The following CLTB variants were observed in gnomAD, a reference collection of about 807,000 sequenced individuals.
The protein encoded by CLTB is clathrin light chain B.
A neutral mutation model predicts 30.5 loss-of-function variants in CLTB; 10 were observed. That is an observed-to-expected ratio of 0.33 (90% confidence interval 0.20 to 0.56). The LOEUF is 0.56. CLTB is among the 20% of genes least tolerant of loss of function. CLTB has a pLI of 0.91. For missense variants in CLTB, 261 were observed against 308.3 expected (o/e 0.85, Z 1.15); for synonymous variants, 102 against 120.3 (o/e 0.85, Z 1.00).
chr5:176,404,628 C>T (rs901762534), intron 2 of CLTB, among the ~76,000 whole-genome samples: 4 of 152,236 alleles, frequency 2.6e-5, no homozygotes, highest in African/African-American at 9.6e-5. Context: ...TCCCAAGGTG[C>T]CAAGCCTGGC....
chr5:176,407,159 C>T (rs1246525438), intron 2 of CLTB, among the ~76,000 whole-genome samples: 3 of 152,118 alleles, frequency 2.0e-5, no homozygotes, highest in South Asian at 4.1e-4. Flanking sequence ...GCTGACAGGT[C>T]GGGAGGGAGA....
At chr5:176,412,652 T>A (rs1757505394) in intron 1 of CLTB, among the ~76,000 whole-genome samples, 1 of 152,182 alleles carries the variant, frequency 6.6e-6, no homozygotes, top group African/African-American at 2.4e-5. Flanking sequence ...GGAAGGGTAC[T>A]TAATCCCATG....
intron 2 of CLTB, among the ~76,000 whole-genome samples, chr5:176,409,334 TC>T (rs1166656045): frequency 6.6e-6 from 1 of 151,174 alleles, no homozygotes; most frequent in Non-Finnish European, 1.5e-5. Context: ...TGTATATTAT[TC>T]TGCAAGCTGC....
At chr5:176,407,260 G>C (rs981256801) in intron 2 of CLTB, among the ~76,000 whole-genome samples, 5 of 152,170 alleles carry the variant, frequency 3.3e-5, no homozygotes, top group Non-Finnish European at 5.9e-5. Flanking sequence ...TCTGAGCTTC[G>C]TGATGCTAAT....
intron 1 of CLTB, among the ~76,000 whole-genome samples, chr5:176,413,314 T>TA (rs1445342186): frequency 6.6e-6 from 1 of 152,192 alleles, no homozygotes; most frequent in African/African-American, 2.4e-5. Flanking sequence ...CCTGTGAGCT[T>TA]ACGAGGCCCA....
intron 2 of CLTB, among the ~76,000 whole-genome samples, chr5:176,400,105 C>T (rs1756741250): frequency 6.7e-6 from 1 of 150,034 alleles, no homozygotes; most frequent in Non-Finnish European, 1.5e-5. Context: ...GCACAAGAAT[C>T]ACTTGAATCC....
chr5:176,416,478 C>A lies in CLTB; in HGVS notation c.-115G>T. 8.8e-6 allele frequency: 8 copies of A among 914,096 alleles called. No individual in the cohort carries two copies. Among genetic ancestry groups the A allele is most frequent in the Non-Finnish European group, 1.1e-5 (8 of 697,164 alleles). The allele number at this position is 914,096 out of a possible 1,614,324, so 56.6% of individuals were successfully genotyped here. A position where few individuals can be genotyped will look rare whatever the true frequency, so the allele number is the denominator to read the frequency against. ...CGAGCCGCGGGGGAGCCGGCGTCGG[C>A]GGGGACGGGCTTGGCGCGGACCGCA... is the stretch of plus-strand genomic sequence containing the variant. On this transcript the variant is annotated 5_prime_UTR_variant, in exon 1 of 6. Coordinates refer to ENST00000310418, the MANE Select transcript of CLTB (RefSeq NM_007097.5).
chr5:176,398,153 A>C, intron 2 of CLTB, 106 bp from the exon 3 acceptor site: 1 of 942,594 alleles, frequency 1.1e-6, no homozygotes, highest in Non-Finnish European at 1.7e-6. Flanking sequence ...AGCCTCAAAC[A>C]ACCTCATACC....
chr5:176,407,037 T>C (rs1163317683), intron 2 of CLTB, among the ~76,000 whole-genome samples: 1 of 152,190 alleles, frequency 6.6e-6, no homozygotes, highest in Non-Finnish European at 1.5e-5. Context: ...TGTGATATGA[T>C]TTACAAATAA....
intron 2 of CLTB, among the ~76,000 whole-genome samples, chr5:176,398,371 A>T (rs573736831): frequency 6.6e-6 from 1 of 152,282 alleles, no homozygotes; most frequent in Middle Eastern, 3.4e-3. Flanking sequence ...TGGGCTAAAT[A>T]ACAGTATGCA....
rs1382659764 is a variant in CLTB at position 176,416,512 on chromosome 5, C to G, written c.-149G>C. Reference sequence around the variant, plus strand: ...GCTTGGCGCGGACCGCACTTCCTCTCCGCCACCGGGCCCGGCTGGCTGTCA... The same window carrying G: ...GCTTGGCGCGGACCGCACTTCCTCTGCGCCACCGGGCCCGGCTGGCTGTCA... On this transcript the variant is annotated 5_prime_UTR_variant, in exon 1 of 6. Transcript: ENST00000310418. The G allele has an allele frequency of 1.8e-6, 1 of 542,896 alleles. No individual in the cohort carries two copies. Among genetic ancestry groups the G allele is most frequent in the African/African-American group, 2.0e-5 (1 of 49,372 alleles). 33.6% of individuals were successfully genotyped at this position (542,896 alleles called of 1,614,324 possible).
rs531868317 is a variant in CLTB, at chr5:176,411,952, A to G, written c.188-1649T>C. Among the ~76,000 whole-genome samples the G allele has an allele frequency of 3.9e-4, 60 of 152,072 alleles. 1 individual carries two copies. The highest frequency in any genetic ancestry group is 1.4e-3 in the East Asian group (7 of 5,166). On this transcript the variant is annotated intron_variant, in intron 1 of 5. Transcript: ENST00000310418. Reference sequence around the variant, plus strand: ...AGCACTTTGGGAGGCTGAGGTGGGCAGATCACGAAGTCAGGAGATCGAGAC... The same window carrying G: ...AGCACTTTGGGAGGCTGAGGTGGGCGGATCACGAAGTCAGGAGATCGAGAC...
intron 2 of CLTB, among the ~76,000 whole-genome samples, chr5:176,400,208 AG>A (rs200275709): frequency 2.7e-5 from 4 of 149,668 alleles, no homozygotes; most frequent in Non-Finnish European, 2.9e-5. Flanking sequence ...AAAAAAAAAA[AG>A]AAAGAAAGAA....
At chr5:176,415,680 A>T (rs1403992051) in intron 1 of CLTB, among the ~76,000 whole-genome samples, 1 of 152,232 alleles carries the variant, frequency 6.6e-6, no homozygotes, top group Non-Finnish European at 1.5e-5. Flanking sequence ...AATGTAACCA[A>T]GGCGCTTAGC....
Position 176,416,203 on chromosome 5 carries a change from G to T in CLTB, c.161C>A (p.Pro54His). 6.3e-7 allele frequency: 1 copy of T among 1,592,034 alleles called. No individual in the cohort carries two copies. ...CCCACTCGTGGGGCCCGGCTGCGCG[G>T]GGGCCGCATGGCTGCCGGCAGGTGC... ...FGAPAGSHAA[P>H]AQPGPTSGAG... is the part of the protein sequence containing the mutation. Residue 54 changes from proline to histidine, a missense_variant, in exon 1 of 6, where the codon CCC becomes CAC. Pro to His is a moderately conservative substitution (Grantham distance 77). Transcript: ENST00000310418.
In CLTB at chr5:176,416,375, C is replaced by T. The variant is rs750667802; in HGVS notation, c.-12G>A. The T allele has an allele frequency of 2.1e-5, 34 of 1,585,596 alleles. No individual in the cohort carries two copies. In the Admixed American group the frequency reaches 5.8e-4, roughly 27 times the overall value. On this transcript the variant is annotated 5_prime_UTR_variant, in exon 1 of 6. Transcript: ENST00000310418. ...AAGTCATCAGCCATTTTCCCCGCGC[C>T]TCCGCCGGAGCCTCCGCTGCGCTCG...
chr5:176,399,994 C>T (rs1756735009), intron 2 of CLTB, among the ~76,000 whole-genome samples: 1 of 151,984 alleles, frequency 6.6e-6, no homozygotes, highest in Admixed American at 6.6e-5. Context: ...GAGTTCGAGA[C>T]CAGCCTGACC....
chr5:176,404,768 C>T (rs886318053), intron 2 of CLTB, among the ~76,000 whole-genome samples: 4 of 152,208 alleles, frequency 2.6e-5, no homozygotes, highest in African/African-American at 9.6e-5. Flanking sequence ...CAGCAGGTCC[C>T]GGGCTCCGGT....
Position 176,410,243 on chromosome 5 carries a change from A to G in CLTB, c.234+14T>C. ...TGTTGGTCCTTACCACTGCTGAGAC[A>G]GAGCCTTGCTTACCTGAAACACATC... On this transcript the variant is annotated intron_variant, in intron 2 of 5. Transcript: ENST00000310418. 3 of 1,613,438 alleles carry G rather than the reference A, an allele frequency of 1.9e-6. No individual in the cohort carries two copies. In the South Asian group the frequency reaches 3.3e-5, roughly 18 times the overall value.
Sources: allele counts gnomAD v4.1 joint callset (sites outside exome capture counted in the v4.1 genomes callset), GRCh38; gene constraint gnomAD v4.1.1; transcripts MANE v1.5; gene names NCBI Gene and HGNC (gene_info 2026-07-23, HGNC 2026-07-21).